Variants in DOK6 observed in about 807,000 individuals in gnomAD.
The protein encoded by DOK6 is docking protein 6.
A neutral mutation model predicts 44.0 loss-of-function variants in DOK6; 22 were observed. The ratio of observed to expected loss-of-function variants is 0.50; its 90% confidence interval spans 0.36 to 0.71. DOK6 has a LOEUF of 0.71. Among genes scored for constraint, DOK6 ranks in the 30% least tolerant of loss-of-function variants. DOK6 has a pLI of 0.00. For synonymous variants in DOK6, 166 were observed against 145.5 expected (o/e 1.14, Z -1.01); for missense variants, 340 against 416.4 (o/e 0.82, Z 1.60).
intron 6 of DOK6, among the ~76,000 whole-genome samples, chr18:69,740,965 A>T (rs1599298708): frequency 6.6e-6 from 1 of 152,230 alleles, no homozygotes; most frequent in African/African-American, 2.4e-5. Context: ...ATGTTGTTGT[A>T]TGTTTCTCGT....
At chr18:69,487,742 G>A (rs138076073) in intron 1 of DOK6, among the ~76,000 whole-genome samples, 91 of 152,284 alleles carry the variant, frequency 6.0e-4, no homozygotes, top group African/African-American at 2.1e-3. Flanking sequence ...TAGAGCGGGA[G>A]ATCTTAGCCC....
chr18:69,616,411 TCTAA>T, intron 3 of DOK6, among the ~76,000 whole-genome samples: 4 of 28,680 alleles, frequency 1.4e-4, no homozygotes, highest in Non-Finnish European at 1.7e-4. Flanking sequence ...GTGCTCCTTC[TCTAA>T]GTCAACCAAG....
chr18:69,553,460 G>A (rs912641930), intron 1 of DOK6, among the ~76,000 whole-genome samples: 1 of 152,190 alleles, frequency 6.6e-6, no homozygotes, highest in African/African-American at 2.4e-5. Context: ...GGGCCAGAGA[G>A]ATGGGCTGAA....
chr18:69,490,659 C>T (rs1980710657), intron 1 of DOK6, among the ~76,000 whole-genome samples: 1 of 151,824 alleles, frequency 6.6e-6, no homozygotes, highest in South Asian at 2.1e-4. Context: ...TAATAATTTC[C>T]CAAGTATTTG....
rs150599345 is a variant in DOK6 at position 69,834,435 on chromosome 18, T to C, written c.857-6809T>C. On this transcript the variant is annotated intron_variant, in intron 7 of 7. Coordinates refer to ENST00000382713, the MANE Select transcript of DOK6 (RefSeq NM_152721.6). ...TAATGGAAACAAAAATACAGTTAGA[T>C]AGAAGGAATAAGTTTCAGTATTCCA... Among the ~76,000 whole-genome samples, 386 of 152,162 alleles carry C rather than the reference T, an allele frequency of 2.5e-3. 3 individuals carry two copies. The highest frequency in any genetic ancestry group is 8.8e-3 in the African/African-American group (366 of 41,526).
intron 5 of DOK6, among the ~76,000 whole-genome samples, chr18:69,708,299 T>A (rs910489944): frequency 1.1e-4 from 16 of 152,154 alleles, no homozygotes; most frequent in Non-Finnish European, 8.8e-5. Context: ...GTCTGAGCAA[T>A]CGTGGTTTGA....
At chr18:69,741,622 A>T (rs747687067) in intron 6 of DOK6, among the ~76,000 whole-genome samples, 32 of 152,034 alleles carry the variant, frequency 2.1e-4, no homozygotes, top group Non-Finnish European at 2.9e-4. Context: ...CTCAGCCCCC[A>T]ACTAGCTGGT....
chr18:69,455,247 C>T (rs900664254), intron 1 of DOK6, among the ~76,000 whole-genome samples: 26 of 146,700 alleles, frequency 1.8e-4, no homozygotes, highest in African/African-American at 6.3e-4. Flanking sequence ...AAGCACAGAA[C>T]ATCATGAAAG....
At chr18:69,446,035 TTTC>T (rs1321457106) in intron 1 of DOK6, among the ~76,000 whole-genome samples, 1 of 147,710 alleles carries the variant, frequency 6.8e-6, no homozygotes, top group African/African-American at 2.5e-5. Flanking sequence ...AGTATTTATA[TTTC>T]TTTTTTTATT....
chr18:69,667,419 T>C (rs1985688273), intron 3 of DOK6, among the ~76,000 whole-genome samples: 1 of 152,230 alleles, frequency 6.6e-6, no homozygotes. Flanking sequence ...ATTCAAGCTG[T>C]CTTTTGTCTT....
chr18:69,506,077 T>A (rs1981178381), intron 1 of DOK6, among the ~76,000 whole-genome samples: 1 of 152,136 alleles, frequency 6.6e-6, no homozygotes, highest in South Asian at 2.1e-4. Context: ...CAAATGAATG[T>A]AGCTGTTATG....
chr18:69,452,175 T>C (rs1278543852), intron 1 of DOK6, among the ~76,000 whole-genome samples: 1 of 150,580 alleles, frequency 6.6e-6, no homozygotes, highest in Admixed American at 6.6e-5. Flanking sequence ...GCAAGACTAA[T>C]AAAGAAAAAA....
At chr18:69,494,487 A>G (rs1346690109) in intron 1 of DOK6, among the ~76,000 whole-genome samples, 3 of 151,770 alleles carry the variant, frequency 2.0e-5, no homozygotes, top group Non-Finnish European at 4.4e-5. Context: ...AAAAACAAAC[A>G]AACAAAAAAA....
chr18:69,652,932 T>C (rs1372222372), intron 3 of DOK6, among the ~76,000 whole-genome samples: 1 of 152,242 alleles, frequency 6.6e-6, no homozygotes, highest in African/African-American at 2.4e-5. Flanking sequence ...TCTATGTTAT[T>C]TTCAGACCCA....
At chr18:69,649,876 G>A (rs1173233275) in intron 3 of DOK6, among the ~76,000 whole-genome samples, 2 of 152,070 alleles carry the variant, frequency 1.3e-5, no homozygotes, top group Non-Finnish European at 2.9e-5. Context: ...AAGATATGAT[G>A]TCTCTTATGC....
At chr18:69,777,895 A>G (rs967816312) in intron 7 of DOK6, 3 of 152,192 alleles carry the variant, frequency 2.0e-5, no homozygotes, top group African/African-American at 7.2e-5. Context: ...CCAGGAAATC[A>G]TGAAAATCGG....
intron 7 of DOK6, among the ~76,000 whole-genome samples, chr18:69,789,522 TTATCTC>T (rs1478224797): frequency 2.6e-5 from 4 of 151,986 alleles, no homozygotes; most frequent in African/African-American, 7.2e-5. Context: ...AAAACTAAAA[TTATCTC>T]TATATTTTAT....
chr18:69,482,169 A>G (rs1480045653), intron 1 of DOK6, among the ~76,000 whole-genome samples: 1 of 152,082 alleles, frequency 6.6e-6, no homozygotes, highest in Non-Finnish European at 1.5e-5. Context: ...CCCATTCTGT[A>G]GGTTGCCTGT....
At chr18:69,706,583 G>C (rs1053151511) in intron 5 of DOK6, among the ~76,000 whole-genome samples, 7 of 151,218 alleles carry the variant, frequency 4.6e-5, no homozygotes, top group Non-Finnish European at 5.9e-5. Context: ...GTGCAGGTTA[G>C]TTACATATGT....
Sources: gnomAD v4.1 joint callset for allele counts (sites outside exome capture counted in the v4.1 genomes callset) on GRCh38, gnomAD v4.1.1 for gene constraint, MANE v1.5 for transcripts, NCBI Gene and HGNC (gene_info 2026-07-23, HGNC 2026-07-21) for gene names.